Variants in PTPRQ observed in about 807,000 individuals in gnomAD.
PTPRQ encodes phosphatidylinositol phosphatase PTPRQ.
PTPRQ carries 199 observed loss-of-function variants against 246.0 expected under a neutral mutation model. That is an observed-to-expected ratio of 0.81 (90% confidence interval 0.72 to 0.91). The LOEUF is 0.91. PTPRQ is among the 40% of genes least tolerant of loss of function. PTPRQ has a pLI of 0.00. For synonymous variants in PTPRQ, 869 were observed against 853.2 expected (o/e 1.02, Z -0.32); for missense variants, 2,624 against 2,528.4 (o/e 1.04, Z -0.81).
chr12:80,541,089 A>G (rs1349261530), intron 20 of PTPRQ, among the ~76,000 whole-genome samples: 1 of 152,086 alleles, frequency 6.6e-6, no homozygotes, highest in African/African-American at 2.4e-5. Context: ...AGCTTTTAGT[A>G]TTGATTCTTC....
intron 25 of PTPRQ, among the ~76,000 whole-genome samples, chr12:80,570,046 T>C (rs953586128): frequency 6.6e-6 from 1 of 152,222 alleles, no homozygotes; most frequent in Non-Finnish European, 1.5e-5. Flanking sequence ...TAAACATACA[T>C]GTGCATGTGT....
At chr12:80,445,755 T>G (rs151025918) in intron 3 of PTPRQ, 38 bp downstream of exon 3, 317 of 1,319,896 alleles carry the variant, frequency 2.4e-4, no homozygotes, top group Middle Eastern at 1.4e-3. Flanking sequence ...TGTTCAAACA[T>G]TTCATTCATT....
chr12:80,598,743 T>C (rs1430729386), intron 26 of PTPRQ, among the ~76,000 whole-genome samples: 2 of 151,944 alleles, frequency 1.3e-5, no homozygotes, highest in South Asian at 2.1e-4. Flanking sequence ...ATACTGAACT[T>C]AAATTCAAAT....
At chr12:80,622,894 A>G (rs955875340) in intron 33 of PTPRQ, among the ~76,000 whole-genome samples, 8 of 151,990 alleles carry the variant, frequency 5.3e-5, no homozygotes, top group African/African-American at 1.7e-4. Flanking sequence ...AAAGTTTAAT[A>G]GCTTTTTTGG....
Position 80,600,975 on chromosome 12 carries a change from C to T in PTPRQ, c.4610-4084C>T, listed in dbSNP as rs144374108. 3.5e-3 allele frequency among the ~76,000 whole-genome samples: 528 copies of T among 151,778 alleles called. 6 individuals are homozygous for T. Among genetic ancestry groups the T allele is most frequent in the African/African-American group, 0.012 (513 of 41,446 alleles). On this transcript the variant is annotated intron_variant, in intron 26 of 44. Coordinates refer to ENST00000644991, the MANE Select transcript of PTPRQ (RefSeq NM_001145026.2). ...GGACATACCAGGCGAAATCCTGCCT[C>T]AGGGTCTTCACGCTGGCCATTCTCC...
At chr12:80,531,102 GA>G (rs1195719621) in intron 17 of PTPRQ, among the ~76,000 whole-genome samples, 1 of 151,816 alleles carries the variant, frequency 6.6e-6, no homozygotes, top group Non-Finnish European at 1.5e-5. Flanking sequence ...GTACTATTAT[GA>G]AAAGATACTT....
intron 8 of PTPRQ, among the ~76,000 whole-genome samples, chr12:80,473,338 C>G (rs1222546068): frequency 6.6e-6 from 1 of 152,116 alleles, no homozygotes; most frequent in Non-Finnish European, 1.5e-5. Flanking sequence ...AGAATCCTAG[C>G]ATTGTGTAGC....
chr12:80,552,053 A>G (rs1415170649), intron 25 of PTPRQ, among the ~76,000 whole-genome samples: 1 of 152,106 alleles, frequency 6.6e-6, no homozygotes, highest in Non-Finnish European at 1.5e-5. Context: ...TTCATCCCAG[A>G]CTTGCTGACT....
At chr12:80,563,408 G>A (rs1896886224) in intron 25 of PTPRQ, among the ~76,000 whole-genome samples, 1 of 151,380 alleles carries the variant, frequency 6.6e-6, no homozygotes, top group Admixed American at 6.6e-5. Flanking sequence ...CACTCATAAG[G>A]GCCCTAATCC....
chr12:80,612,146 CTAAT>C (rs576685730), intron 28 of PTPRQ, among the ~76,000 whole-genome samples: 3 of 150,238 alleles, frequency 2.0e-5, no homozygotes, highest in Non-Finnish European at 4.5e-5. Context: ...ATAAAGAACA[CTAAT>C]TATGTTATGC....
At chr12:80,456,716 G>T (rs1408033183) in intron 3 of PTPRQ, among the ~76,000 whole-genome samples, 7 of 152,044 alleles carry the variant, frequency 4.6e-5, no homozygotes, top group African/African-American at 1.7e-4. Context: ...TCAAATAAAT[G>T]TTAGCCATTG....
chr12:80,591,524 T>A (rs541086649), intron 26 of PTPRQ, among the ~76,000 whole-genome samples: 1 of 152,226 alleles, frequency 6.6e-6, no homozygotes, highest in South Asian at 2.1e-4. Context: ...TTCTAGTGGG[T>A]AGGACAAAAC....
At chr12:80,506,961 G>C (rs534741562) in intron 16 of PTPRQ, among the ~76,000 whole-genome samples, 1 of 152,086 alleles carries the variant, frequency 6.6e-6, no homozygotes, top group Non-Finnish European at 1.5e-5. Flanking sequence ...AATTTGGTTT[G>C]AACGTTAACT....
chr12:80,654,059 TTCTC>T (rs1900348011), intron 38 of PTPRQ, among the ~76,000 whole-genome samples: 1 of 151,580 alleles, frequency 6.6e-6, no homozygotes, highest in Admixed American at 6.6e-5. Flanking sequence ...TTTTCTTTCT[TTCTC>T]TCTTTCTTAT....
At chr12:80,494,447 CTT>C (rs1375097469) in intron 10 of PTPRQ, among the ~76,000 whole-genome samples, 1 of 151,932 alleles carries the variant, frequency 6.6e-6, no homozygotes, top group East Asian at 1.9e-4. Context: ...AAATAAAACT[CTT>C]TATTTATTTA....
intron 25 of PTPRQ, among the ~76,000 whole-genome samples, chr12:80,558,154 TTTTCTTTTCTTTTC>T (rs796441060): frequency 0.011 from 1,484 of 130,916 alleles, 15 homozygotes; most frequent in African/African-American, 0.025. Flanking sequence ...TTTTCTTTTC[TTTTCTTTTCTTTTC>T]TTTCTTTTCT....
At chr12:80,659,819 T>G (rs1206783514) in intron 39 of PTPRQ, among the ~76,000 whole-genome samples, 8 of 152,048 alleles carry the variant, frequency 5.3e-5, no homozygotes, top group Admixed American at 5.3e-4. Flanking sequence ...ATATGCATAA[T>G]CATTGCTGAG....
intron 9 of PTPRQ, among the ~76,000 whole-genome samples, chr12:80,489,965 C>T (rs920436929): frequency 1.7e-4 from 14 of 82,336 alleles, no homozygotes; most frequent in Admixed American, 5.1e-4. Flanking sequence ...AGAATATCAA[C>T]GTTTGTCACT....
chr12:80,576,009 C>T (rs1897271179), intron 25 of PTPRQ, among the ~76,000 whole-genome samples: 1 of 152,108 alleles, frequency 6.6e-6, no homozygotes, highest in Non-Finnish European at 1.5e-5. Context: ...TTCCTTCTCT[C>T]TCGCTTTCTC....
Sources: allele counts gnomAD v4.1 joint callset (sites outside exome capture counted in the v4.1 genomes callset), GRCh38; gene constraint gnomAD v4.1.1; transcripts MANE v1.5; gene names NCBI Gene and HGNC (gene_info 2026-07-23, HGNC 2026-07-21).